The following GPC3 variants were observed in gnomAD, a reference collection of about 807,000 sequenced individuals.
GPC3 encodes glypican-3.
A neutral mutation model predicts 34.4 loss-of-function variants in GPC3; 3 were observed. The observed-to-expected ratio is 0.09, with a 90% CI of 0.04 to 0.23. The LOEUF is 0.23. Ranked by LOEUF, GPC3 falls within the 10% of genes least tolerant of loss-of-function variation. GPC3 has a pLI of 1.00. For missense variants in GPC3, 351 were observed against 445.6 expected (o/e 0.79, Z 1.91); for synonymous variants, 177 against 174.0 (o/e 1.02, Z -0.13).
At chrX:133,605,410 A>C (rs1298154444) in intron 6 of GPC3, among the ~76,000 whole-genome samples, 1 of 112,011 alleles carries the variant, frequency 8.9e-6, no homozygotes, top group Non-Finnish European at 1.9e-5. Flanking sequence ...AGTTCCATGT[A>C]TTCTTCTTTT....
At chrX:133,633,898 A>G (rs2070391309) in intron 6 of GPC3, among the ~76,000 whole-genome samples, 2 of 111,969 alleles carry the variant, frequency 1.8e-5, no homozygotes, top group South Asian at 7.4e-4. Context: ...AAAGCCAACT[A>G]CAAAAATAAA....
intron 2 of GPC3, among the ~76,000 whole-genome samples, chrX:133,842,361 T>C (rs1454432741): frequency 1.0e-5 from 1 of 98,417 alleles, no homozygotes; most frequent in Non-Finnish European, 1.9e-5. Flanking sequence ...AACTCCCCTA[T>C]ATATATTACA....
chrX:133,624,926 G>T (rs1201075643), intron 6 of GPC3, among the ~76,000 whole-genome samples: 1 of 111,219 alleles, frequency 9.0e-6, no homozygotes, highest in Non-Finnish European at 1.9e-5. Flanking sequence ...CTAAAATACT[G>T]GCAAACCAAA....
At chrX:133,605,801 A>C (rs2070043917) in intron 6 of GPC3, among the ~76,000 whole-genome samples, 1 of 111,709 alleles carries the variant, frequency 9.0e-6, no homozygotes, top group Non-Finnish European at 1.9e-5. Flanking sequence ...CACTAGAAAG[A>C]AGCCTGGGTG....
intron 2 of GPC3, among the ~76,000 whole-genome samples, chrX:133,912,132 CA>C (rs1291990926): frequency 5.4e-5 from 6 of 111,275 alleles, no homozygotes; most frequent in Non-Finnish European, 7.6e-5. Flanking sequence ...ATTTTCTTTA[CA>C]AAAAAAAGTG....
rs780713358 is a variant in GPC3, at chrX:133,770,133, C to T, written c.338-15957G>A. Among the ~76,000 whole-genome samples, 4 of 111,727 alleles carry T rather than the reference C, an allele frequency of 3.6e-5. No individual in the cohort carries two copies. In the South Asian group the frequency reaches 1.5e-3, roughly 42 times the overall value. On this transcript the variant is annotated intron_variant, in intron 2 of 7. Coordinates refer to ENST00000370818, the MANE Select transcript of GPC3 (RefSeq NM_004484.4). Reference sequence around the variant, plus strand: ...CTCTACAAAACATCAAAAAATTAGCCAGGGTTGGTGGCGCATGCCTGGGGT... The same window carrying T: ...CTCTACAAAACATCAAAAAATTAGCTAGGGTTGGTGGCGCATGCCTGGGGT...
intron 2 of GPC3, among the ~76,000 whole-genome samples, chrX:133,888,606 G>A (rs1790079471): frequency 8.9e-6 from 1 of 111,833 alleles, no homozygotes; most frequent in Admixed American, 9.5e-5. Flanking sequence ...ACTTTTTAAT[G>A]ATTGCCATTC....
rs200265913 is a variant in GPC3 at position 133,596,587 on chromosome X, T to A, written c.1426A>T (p.Met476Leu). 1.2e-5 allele frequency: 15 copies of A among 1,211,147 alleles called. No individual in the cohort carries two copies. The African/African-American group carries it at 2.1e-4, about 17-fold the overall frequency. ...LKHINQLLRT[M>L]SMPKGRVLDK... The stretch of plus-strand genomic sequence containing the variant: ...AGAACTCTACCTTTGGGCATAGACA[T>A]GGTTCTCAGGAGCTGAAAGAAAACA... Residue 476 changes from methionine to leucine, a missense_variant, in exon 7 of 8, where the codon ATG becomes TTG. Physicochemically the swap from Met to Leu is conservative, Grantham distance 15. Coordinates refer to ENST00000370818, the MANE Select transcript of GPC3 (RefSeq NM_004484.4).
intron 7 of GPC3, among the ~76,000 whole-genome samples, chrX:133,540,953 T>TGC (rs1272027139): frequency 7.9e-5 from 8 of 101,211 alleles, no homozygotes; most frequent in African/African-American, 1.5e-4. Flanking sequence ...TGTGTGTGTG[T>TGC]GTGCGCGCAC....
chrX:133,586,115 GA>G (rs2069786617), intron 7 of GPC3, among the ~76,000 whole-genome samples: 1 of 111,514 alleles, frequency 9.0e-6, no homozygotes, highest in African/African-American at 3.3e-5. Flanking sequence ...CAAATAATAA[GA>G]AACAAACTCC....
Position 133,670,760 on chromosome X carries a change from A to C in GPC3, c.1293-8910T>G, listed in dbSNP as rs185691668. ...GAAAACAGGGTAGAAAAACCATCCT[A>C]TTAAGAGGCCTAAGAAAACGTCCTT... On this transcript the variant is annotated intron_variant, in intron 5 of 7. Transcript: ENST00000370818. 7.5e-4 allele frequency among the ~76,000 whole-genome samples: 84 copies of C among 112,124 alleles called. 1 individual carries two copies. In the East Asian group the frequency reaches 0.022, roughly 29 times the overall value.
At chrX:133,799,600 G>T (rs2075599032) in intron 2 of GPC3, among the ~76,000 whole-genome samples, 1 of 111,122 alleles carries the variant, frequency 9.0e-6, no homozygotes, top group Admixed American at 9.6e-5. Flanking sequence ...TATTCTCTGT[G>T]CCTGAAATTC....
chrX:133,664,684 T>C (rs1413840288), intron 5 of GPC3, among the ~76,000 whole-genome samples: 1 of 111,227 alleles, frequency 9.0e-6, no homozygotes, highest in Admixed American at 9.6e-5. Context: ...AGGAACACTT[T>C]TTGTATTTTT....
At chrX:133,703,196 A>G (rs755067039) in intron 3 of GPC3, among the ~76,000 whole-genome samples, 1 of 111,656 alleles carries the variant, frequency 9.0e-6, no homozygotes, top group East Asian at 2.8e-4. Context: ...GTGGAATCCA[A>G]TTTCCTTTCG....
At chrX:133,698,076 T>C (rs951831729) in intron 4 of GPC3, among the ~76,000 whole-genome samples, 2 of 112,254 alleles carry the variant, frequency 1.8e-5, no homozygotes, top group African/African-American at 6.5e-5. Flanking sequence ...TATTCAACCA[T>C]AGATTCGGCA....
chrX:133,953,225 G>A lies in GPC3; in HGVS notation c.176-14C>T, dbSNP rs1222882659. On this transcript the variant is annotated splice_polypyrimidine_tract_variant and intron_variant, in intron 1 of 7. Coordinates refer to ENST00000370818, the MANE Select transcript of GPC3 (RefSeq NM_004484.4). The stretch of plus-strand genomic sequence containing the variant: ...GCAAATCTGATCCTGAAACAAACAA[G>A]GTTTTCATGTTTCAGTAAGCAGGAT... 1.7e-6 allele frequency: 2 copies of A among 1,202,283 alleles called. No homozygotes were observed. Among genetic ancestry groups the A allele is most frequent in the Non-Finnish European group, 2.3e-6 (2 of 888,004 alleles).
intron 2 of GPC3, among the ~76,000 whole-genome samples, chrX:133,911,628 C>T (rs1478718697): frequency 9.0e-6 from 1 of 111,538 alleles, no homozygotes; most frequent in African/African-American, 3.3e-5. Context: ...AATAGATAAC[C>T]GAAATTTCCC....
intron 2 of GPC3, among the ~76,000 whole-genome samples, chrX:133,783,105 G>A (rs1460458015): frequency 9.1e-6 from 1 of 110,241 alleles, no homozygotes; most frequent in African/African-American, 3.3e-5. Flanking sequence ...AAGCAGATCA[G>A]GCCAAACAGA....
At chrX:133,817,610 A>G (rs1274125636) in intron 2 of GPC3, among the ~76,000 whole-genome samples, 7 of 110,595 alleles carry the variant, frequency 6.3e-5, no homozygotes, top group Admixed American at 1.9e-4. Context: ...ACTTACTAGA[A>G]GTCAGCAGGA....
Sources: gnomAD v4.1 joint callset for allele counts (sites outside exome capture counted in the v4.1 genomes callset) on GRCh38, gnomAD v4.1.1 for gene constraint, MANE v1.5 for transcripts, NCBI Gene and HGNC (gene_info 2026-07-23, HGNC 2026-07-21) for gene names.